DOCK3: variants seen among roughly 807,000 people sequenced by gnomAD.
DOCK3 encodes the protein dedicator of cytokinesis 3.
DOCK3 carries 60 observed loss-of-function variants against 265.6 expected under a neutral mutation model. The ratio of observed to expected loss-of-function variants is 0.23; its 90% CI spans 0.18 to 0.28. The LOEUF is 0.28. Ranked by LOEUF, DOCK3 falls within the 10% of genes least tolerant of loss-of-function variation. The pLI, the probability that DOCK3 is intolerant of heterozygous loss-of-function variation, is 1.00. For missense variants in DOCK3, 1,981 were observed against 2,594.3 expected (o/e 0.76, Z 5.14); for synonymous variants, 881 against 938.0 (o/e 0.94, Z 1.11).
intron 1 of DOCK3, among the ~76,000 whole-genome samples, chr3:50,746,649 C>T (rs1223735121): frequency 6.6e-6 from 1 of 152,116 alleles, no homozygotes; most frequent in African/African-American, 2.4e-5. Context: ...AGGCTGTACA[C>T]ACGGCATAGT....
At chr3:51,160,873 G>A (rs1576282127) in intron 12 of DOCK3, among the ~76,000 whole-genome samples, 171 bp downstream of exon 12, 2 of 151,956 alleles carry the variant, frequency 1.3e-5, no homozygotes, top group African/African-American at 4.8e-5. Flanking sequence ...TCAGGAAATC[G>A]AGACCATTCT....
rs1023753081 is a variant in DOCK3 at position 51,090,451 on chromosome 3, C to T, written c.746+67C>T. 7 of 1,450,724 alleles carry T rather than the reference C, an allele frequency of 4.8e-6. No individual in the cohort carries two copies. The Admixed American group carries it at 9.7e-5, about 20-fold the overall frequency. 89.9% of individuals were successfully genotyped at this position (1,450,724 alleles called of 1,614,324 possible). On this transcript the variant is annotated intron_variant, in intron 9 of 52. Transcript: ENST00000266037. ...TGGTATGGGTCATAGGCATCTCTGG[C>T]CATCAGAGAAGACAGATGCACAGAA...
At chr3:51,301,128 T>A (rs144829462) in intron 27 of DOCK3, among the ~76,000 whole-genome samples, 185 of 152,314 alleles carry the variant, frequency 1.2e-3, no homozygotes, top group African/African-American at 3.5e-3. Context: ...GGTTTAGTCT[T>A]GGGAGGCTGT....
intron 3 of DOCK3, among the ~76,000 whole-genome samples, chr3:50,880,824 A>G (rs1480549275): frequency 6.6e-6 from 1 of 152,158 alleles, no homozygotes; most frequent in African/African-American, 2.4e-5. Context: ...GACACAACCA[A>G]AAAAGAGAAT....
intron 1 of DOCK3, among the ~76,000 whole-genome samples, chr3:50,768,630 A>G (rs761196599): frequency 1.3e-5 from 2 of 152,204 alleles, no homozygotes; most frequent in Non-Finnish European, 2.9e-5. Flanking sequence ...GTGTATATAT[A>G]CCACATTAAA....
Position 51,074,233 on chromosome 3 carries a change from T to C in DOCK3, c.465-1123T>C, listed in dbSNP as rs551693396. Reference sequence around the variant, plus strand: ...ACAGACCCTCTCCTCAGAAAAAATTTATAATGAACACACACACAAACTCAT... The same window carrying C: ...ACAGACCCTCTCCTCAGAAAAAATTCATAATGAACACACACACAAACTCAT... On this transcript the variant is annotated intron_variant, in intron 6 of 52. Transcript: ENST00000266037. Among the ~76,000 whole-genome samples, 50 of 152,286 alleles carry C rather than the reference T, an allele frequency of 3.3e-4. 1 individual carries two copies. The Middle Eastern group carries it at 0.017, about 52-fold the overall frequency.
At chr3:50,740,277 TA>T (rs2038931131) in intron 1 of DOCK3, among the ~76,000 whole-genome samples, 1 of 152,172 alleles carries the variant, frequency 6.6e-6, no homozygotes, top group East Asian at 1.9e-4. Flanking sequence ...TGTTGATAGA[TA>T]TATGGATTAT....
At chr3:50,912,306 C>T (rs1311249249) in intron 4 of DOCK3, among the ~76,000 whole-genome samples, 3 of 152,062 alleles carry the variant, frequency 2.0e-5, no homozygotes, top group Non-Finnish European at 2.9e-5. Flanking sequence ...CAAAATCTCC[C>T]TCTCTGTGTT....
intron 3 of DOCK3, among the ~76,000 whole-genome samples, chr3:50,846,715 C>T (rs2046101909): frequency 6.6e-6 from 1 of 152,134 alleles, no homozygotes; most frequent in Non-Finnish European, 1.5e-5. Context: ...GTTTCAGTTT[C>T]TTCCTGATTC....
At chr3:50,776,313 A>G (rs1161449857) in intron 1 of DOCK3, among the ~76,000 whole-genome samples, 4 of 151,766 alleles carry the variant, frequency 2.6e-5, no homozygotes, top group Non-Finnish European at 5.9e-5. Context: ...TGTGGTTTTA[A>G]TTTGCATTTC....
At chr3:50,870,314 C>T (rs1203069976) in intron 3 of DOCK3, among the ~76,000 whole-genome samples, 1 of 152,128 alleles carries the variant, frequency 6.6e-6, no homozygotes, top group Non-Finnish European at 1.5e-5. Flanking sequence ...TGCACATATA[C>T]TTAAAATTGT....
chr3:50,736,000 A>G (rs2038573672), intron 1 of DOCK3, among the ~76,000 whole-genome samples: 1 of 152,152 alleles, frequency 6.6e-6, no homozygotes, highest in Non-Finnish European at 1.5e-5. Context: ...TGCTGCACCC[A>G]TTAACTCGTC....
At chr3:50,976,395 T>C (rs1388804011) in intron 5 of DOCK3, among the ~76,000 whole-genome samples, 3 of 132,796 alleles carry the variant, frequency 2.3e-5, no homozygotes, top group Non-Finnish European at 4.8e-5. Flanking sequence ...TTCATTTCGT[T>C]ATGTACCCAG....
At chr3:51,092,421 C>T (rs2082674037) in intron 9 of DOCK3, among the ~76,000 whole-genome samples, 2 of 152,198 alleles carry the variant, frequency 1.3e-5, no homozygotes, top group South Asian at 2.1e-4. Flanking sequence ...CTGGGCGGAG[C>T]CCACTGCAGC....
chr3:51,294,677 C>CAAA (rs59339067), intron 27 of DOCK3, among the ~76,000 whole-genome samples: 119 of 119,826 alleles, frequency 9.9e-4, no homozygotes, highest in African/African-American at 3.4e-3. Context: ...GACTCTATCT[C>CAAA]AAAAAAAAAA....
At chr3:51,373,845 C>A (rs987544274) in intron 49 of DOCK3, among the ~76,000 whole-genome samples, 1 of 152,230 alleles carries the variant, frequency 6.6e-6, no homozygotes, top group African/African-American at 2.4e-5. Context: ...CCCTGGCCCC[C>A]AGCCAGCCTG....
intron 31 of DOCK3, among the ~76,000 whole-genome samples, 154 bp from the exon 32 acceptor site, chr3:51,314,826 G>A (rs946146574): frequency 6.6e-6 from 1 of 152,210 alleles, no homozygotes; most frequent in Admixed American, 6.5e-5. Context: ...ACTCTAAAAA[G>A]TTGAGGGAGA....
chr3:50,980,601 AT>A (rs1559894321), intron 5 of DOCK3, among the ~76,000 whole-genome samples: 1 of 151,956 alleles, frequency 6.6e-6, no homozygotes, highest in Non-Finnish European at 1.5e-5. Context: ...GCTTTTCCTT[AT>A]TGGGATACTT....
chr3:51,215,273 A>G (rs2089720855), intron 14 of DOCK3, among the ~76,000 whole-genome samples: 1 of 151,924 alleles, frequency 6.6e-6, no homozygotes, highest in South Asian at 2.1e-4. Context: ...ACACCTGGCT[A>G]ATTTTTGTAA....
Sources: gnomAD v4.1 joint callset for allele counts (sites outside exome capture counted in the v4.1 genomes callset) on GRCh38, gnomAD v4.1.1 for gene constraint, MANE v1.5 for transcripts, NCBI Gene and HGNC (gene_info 2026-07-23, HGNC 2026-07-21) for gene names.